Variants in RABGAP1L observed in about 807,000 individuals in gnomAD.
RABGAP1L encodes RAB GTPase activating protein 1 like.
RABGAP1L carries 63 observed loss-of-function variants against 137.7 expected under a neutral mutation model. That is an observed-to-expected ratio of 0.46 (90% CI 0.37 to 0.56). RABGAP1L has a LOEUF of 0.56. Ranked by LOEUF, RABGAP1L falls within the 20% of genes least tolerant of loss-of-function variation. The pLI, the probability that RABGAP1L is intolerant of heterozygous loss-of-function variation, is 0.00. For synonymous variants in RABGAP1L, 431 were observed against 433.7 expected (o/e 0.99, Z 0.08); for missense variants, 1,095 against 1,244.0 (o/e 0.88, Z 1.80).
chr1:174,197,668 C>T (rs147891828), intron 1 of RABGAP1L, among the ~76,000 whole-genome samples: 8 of 151,898 alleles, frequency 5.3e-5, no homozygotes, highest in Admixed American at 1.3e-4. Flanking sequence ...GCATTGGTTG[C>T]GGGCGCATGT....
intron 13 of RABGAP1L, among the ~76,000 whole-genome samples, chr1:174,620,096 A>G (rs773417653): frequency 7.9e-5 from 12 of 152,222 alleles, no homozygotes; most frequent in Non-Finnish European, 1.8e-4. Flanking sequence ...TATCCTAAAT[A>G]TATATGCACC....
chr1:174,484,675 G>A lies in RABGAP1L; in HGVS notation c.1710+90530G>A, dbSNP rs546307937. Among the ~76,000 whole-genome samples the A allele has an allele frequency of 2.9e-4, 44 of 152,196 alleles. 1 individual carries two copies. In the South Asian group the frequency reaches 8.9e-3, roughly 31 times the overall value. On this transcript the variant is annotated intron_variant, in intron 13 of 25. Coordinates refer to ENST00000681986, the MANE Select transcript of RABGAP1L (RefSeq NM_001366446.1). The stretch of plus-strand genomic sequence containing the variant: ...GTCCTTTCCCCAATGTATTTTCTGA[G>A]CAACTTTGTCAAAAATGAATTCATT...
chr1:174,793,992 C>T (rs927262155), intron 18 of RABGAP1L, among the ~76,000 whole-genome samples: 2 of 152,106 alleles, frequency 1.3e-5, no homozygotes, highest in African/African-American at 2.4e-5. Flanking sequence ...CCACCATGCC[C>T]GGCCCAGAAT....
intron 13 of RABGAP1L, among the ~76,000 whole-genome samples, chr1:174,471,240 G>C (rs1284695164): frequency 6.6e-6 from 1 of 152,060 alleles, no homozygotes; most frequent in Admixed American, 6.6e-5. Flanking sequence ...TGTGATTATT[G>C]CATTGGTGGT....
chr1:174,420,327 A>G (rs1651105095), intron 13 of RABGAP1L, among the ~76,000 whole-genome samples: 1 of 152,092 alleles, frequency 6.6e-6, no homozygotes, highest in Non-Finnish European at 1.5e-5. Context: ...ACATACTAAA[A>G]GCATTAACTC....
rs1268271957 is a variant in RABGAP1L, at chr1:174,372,169, A to G, written c.1559+1097A>G. Among the ~76,000 whole-genome samples, 3 of 152,162 alleles carry G rather than the reference A, an allele frequency of 2.0e-5. 1 individual carries two copies. Among genetic ancestry groups the G allele is most frequent in the African/African-American group, 7.2e-5 (3 of 41,446 alleles). On this transcript the variant is annotated intron_variant, in intron 12 of 25. Transcript: ENST00000681986. ...AACTCATTAATGAATGTCAACATAA[A>G]ATAATCAAAAGGGTCAGAATCTAAT...
intron 10 of RABGAP1L, among the ~76,000 whole-genome samples, chr1:174,298,158 G>A (rs773303888): frequency 2.4e-4 from 37 of 152,164 alleles, no homozygotes; most frequent in Non-Finnish European, 3.5e-4. Flanking sequence ...GGGAGCAGGC[G>A]TCCCTGGTTC....
chr1:174,910,432 A>C (rs1420547437), intron 19 of RABGAP1L, among the ~76,000 whole-genome samples: 1 of 152,216 alleles, frequency 6.6e-6, no homozygotes, highest in African/African-American at 2.4e-5. Flanking sequence ...AAGACCATAA[A>C]TGACAAACCC....
chr1:174,451,185 T>G (rs1655398775), intron 13 of RABGAP1L, among the ~76,000 whole-genome samples: 1 of 152,224 alleles, frequency 6.6e-6, no homozygotes, highest in African/African-American at 2.4e-5. Flanking sequence ...TAAATGTGCC[T>G]TTTAAATTCA....
chr1:174,799,460 C>G (rs1363668371), intron 18 of RABGAP1L, among the ~76,000 whole-genome samples: 3 of 152,054 alleles, frequency 2.0e-5, no homozygotes, highest in Non-Finnish European at 4.4e-5. Context: ...TGTTAGAAAG[C>G]AAGAGTGAAT....
chr1:174,176,073 G>A (rs1251511364), intron 1 of RABGAP1L, among the ~76,000 whole-genome samples: 1 of 152,188 alleles, frequency 6.6e-6, no homozygotes, highest in Non-Finnish European at 1.5e-5. Flanking sequence ...CCCTATTGCA[G>A]TATGCTTTTT....
At chr1:174,182,567 A>G (rs1476664162) in intron 1 of RABGAP1L, among the ~76,000 whole-genome samples, 1 of 152,220 alleles carries the variant, frequency 6.6e-6, no homozygotes, top group African/African-American at 2.4e-5. Flanking sequence ...CAAGACCCAT[A>G]AATCACAAAT....
intron 12 of RABGAP1L, among the ~76,000 whole-genome samples, chr1:174,374,138 G>A (rs895979605): frequency 1.3e-5 from 2 of 152,190 alleles, no homozygotes; most frequent in Admixed American, 6.5e-5. Context: ...TGTAATGGTA[G>A]CGTATGCATT....
At chr1:174,303,024 C>T (rs2043687709) in intron 10 of RABGAP1L, among the ~76,000 whole-genome samples, 1 of 147,014 alleles carries the variant, frequency 6.8e-6, no homozygotes, top group Non-Finnish European at 1.5e-5. Flanking sequence ...GAGAAAATAT[C>T]TGTTGGGGGC....
intron 13 of RABGAP1L, among the ~76,000 whole-genome samples, chr1:174,522,356 C>G (rs1273732319): frequency 6.6e-6 from 1 of 152,042 alleles, no homozygotes; most frequent in South Asian, 2.1e-4. Flanking sequence ...GGCAGGTGAT[C>G]ATGTGAGCTC....
At chr1:174,405,593 C>A (rs566824964) in intron 13 of RABGAP1L, among the ~76,000 whole-genome samples, 1 of 152,294 alleles carries the variant, frequency 6.6e-6, no homozygotes, top group African/African-American at 2.4e-5. Context: ...CTAACCACAA[C>A]AATGAGGCAG....
At chr1:174,968,904 G>C (rs1374496579) in intron 20 of RABGAP1L, among the ~76,000 whole-genome samples, 1 of 152,112 alleles carries the variant, frequency 6.6e-6, no homozygotes, top group East Asian at 1.9e-4. Flanking sequence ...TTTCTCTTGA[G>C]GTCAAGGGTG....
At chr1:174,979,938 T>C (rs1211865363) in intron 23 of RABGAP1L, among the ~76,000 whole-genome samples, 1 of 152,192 alleles carries the variant, frequency 6.6e-6, no homozygotes, top group Non-Finnish European at 1.5e-5. Flanking sequence ...TGGGGTCTTC[T>C]ACTTCACATA....
intron 18 of RABGAP1L, among the ~76,000 whole-genome samples, chr1:174,756,395 C>T (rs1684760798): frequency 6.6e-6 from 1 of 152,116 alleles, no homozygotes; most frequent in Admixed American, 6.6e-5. Flanking sequence ...GGTGATCCAC[C>T]TGCCTCAGCC....
Sources: allele counts gnomAD v4.1 joint callset (sites outside exome capture counted in the v4.1 genomes callset), GRCh38; gene constraint gnomAD v4.1.1; transcripts MANE v1.5; gene names NCBI Gene and HGNC (gene_info 2026-07-23, HGNC 2026-07-21).